The following HS3ST2 variants were observed in gnomAD, a reference collection of about 807,000 sequenced individuals.
HS3ST2 encodes the protein heparan sulfate glucosamine 3-O-sulfotransferase 2.
Under a neutral mutation model 26.3 loss-of-function variants are expected in HS3ST2, and 17 were observed. The ratio of observed to expected loss-of-function variants is 0.65; its 90% confidence interval spans 0.44 to 0.97. The LOEUF (loss-of-function observed/expected upper bound fraction) is 0.97. Ranked by LOEUF, HS3ST2 falls within the 50% of genes least tolerant of loss-of-function variation. The probability of loss-of-function intolerance (pLI) is 0.00; values close to 1 mark genes in which losing one functional copy is unlikely to be tolerated. For synonymous variants in HS3ST2, 237 were observed against 219.2 expected (o/e 1.08, Z -0.72); for missense variants, 402 against 501.2 (o/e 0.80, Z 1.89).
At chr16:22,861,329 T>TG (rs1052351562) in intron 1 of HS3ST2, among the ~76,000 whole-genome samples, 5 of 151,906 alleles carry the variant, frequency 3.3e-5, no homozygotes, top group African/African-American at 1.2e-4. Context: ...GCTTGTGGCC[T>TG]GGGGGCAGCT....
chr16:22,875,401 G>T (rs1901901482), intron 1 of HS3ST2, among the ~76,000 whole-genome samples: 1 of 149,976 alleles, frequency 6.7e-6, no homozygotes, highest in East Asian at 2.0e-4. Flanking sequence ...TTTATTTAGA[G>T]ATAGAGTCTC....
chr16:22,827,510 G>A (rs1223477731), intron 1 of HS3ST2, among the ~76,000 whole-genome samples: 1 of 152,056 alleles, frequency 6.6e-6, no homozygotes, highest in East Asian at 1.9e-4. Context: ...AGAGAGAAAG[G>A]AGAGGGGACA....
intron 1 of HS3ST2, among the ~76,000 whole-genome samples, chr16:22,892,345 G>T (rs1358788133): frequency 6.6e-6 from 1 of 151,316 alleles, no homozygotes; most frequent in African/African-American, 2.4e-5. Context: ...ATATATAGTT[G>T]GGAGAAGTAG....
At chr16:22,836,222 T>C (rs1484715474) in intron 1 of HS3ST2, among the ~76,000 whole-genome samples, 2 of 152,244 alleles carry the variant, frequency 1.3e-5, no homozygotes, top group African/African-American at 4.8e-5. Flanking sequence ...TTTCTTAGCA[T>C]GATTTAAAAA....
chr16:22,835,677 A>G (rs529172830), intron 1 of HS3ST2, among the ~76,000 whole-genome samples: 1 of 152,304 alleles, frequency 6.6e-6, no homozygotes, highest in South Asian at 2.1e-4. Flanking sequence ...CTTACAAATC[A>G]CAAAAAAAGG....
At chr16:22,881,058 C>T (rs999524089) in intron 1 of HS3ST2, among the ~76,000 whole-genome samples, 13 of 152,240 alleles carry the variant, frequency 8.5e-5, no homozygotes, top group African/African-American at 3.1e-4. Context: ...GTTTCCATCA[C>T]TTGCAACCAA....
At chr16:22,845,891 A>G (rs1901424485) in intron 1 of HS3ST2, among the ~76,000 whole-genome samples, 1 of 152,202 alleles carries the variant, frequency 6.6e-6, no homozygotes, top group Non-Finnish European at 1.5e-5. Flanking sequence ...TTATTGTCTG[A>G]TGTCATTACA....
chr16:22,814,618 A>G lies in HS3ST2; in HGVS notation c.8A>G (p.Tyr3Cys). The change falls in exon 1 of 2, where the codon TAT (tyrosine) becomes TGT (cysteine). Residue 3 changes from tyrosine (Y) to cysteine (C), a missense_variant. Physicochemically the swap from Tyr to Cys is radical, Grantham distance 194. Coordinates refer to ENST00000261374, the MANE Select transcript of HS3ST2 (RefSeq NM_006043.2). The stretch of plus-strand genomic sequence containing the variant: ...GCGCGGGCCCATGGAGCCATGGCCT[A>G]TAGGGTCCTGGGCCGCGCGGGGCCA... MA[Y>C]RVLGRAGPPQ... is the part of the protein sequence containing the mutation. The G allele has an allele frequency of 6.5e-7, 1 of 1,544,148 alleles. No individual in the cohort carries two copies. Among genetic ancestry groups the G allele is most frequent in the Non-Finnish European group, 8.7e-7 (1 of 1,146,058 alleles).
intron 1 of HS3ST2, among the ~76,000 whole-genome samples, chr16:22,900,792 T>C (rs1192746739): frequency 6.6e-6 from 1 of 151,966 alleles, no homozygotes; most frequent in Non-Finnish European, 1.5e-5. Flanking sequence ...AGATTCGAGA[T>C]GGAGTTGGCA....
At chr16:22,875,466 C>T (rs749327178) in intron 1 of HS3ST2, among the ~76,000 whole-genome samples, 1 of 152,058 alleles carries the variant, frequency 6.6e-6, no homozygotes, top group Non-Finnish European at 1.5e-5. Flanking sequence ...CTGCAACTTC[C>T]ACCTCCCGGG....
At chr16:22,854,732 G>A (rs1195611914) in intron 1 of HS3ST2, 1 of 150,806 alleles carries the variant, frequency 6.6e-6, no homozygotes, top group Non-Finnish European at 1.5e-5. Flanking sequence ...TCAAACTCCT[G>A]GGCTCAAGCG....
At chr16:22,880,967 G>A (rs539910879) in intron 1 of HS3ST2, among the ~76,000 whole-genome samples, 36 of 152,318 alleles carry the variant, frequency 2.4e-4, no homozygotes, top group Admixed American at 2.1e-3. Context: ...ATCTGGATGG[G>A]CTTGAGACTA....
At chr16:22,837,745 C>A (rs1901288696) in intron 1 of HS3ST2, among the ~76,000 whole-genome samples, 1 of 151,292 alleles carries the variant, frequency 6.6e-6, no homozygotes. Flanking sequence ...AAGAGATTAA[C>A]AACTAATAAA....
At chr16:22,908,743 A>G (rs527432122) in intron 1 of HS3ST2, among the ~76,000 whole-genome samples, 139 of 152,234 alleles carry the variant, frequency 9.1e-4, no homozygotes, top group Non-Finnish European at 1.6e-3. Context: ...GAATCCATTC[A>G]TGAAGGCAGA....
chr16:22,834,524 T>C (rs1443614635), intron 1 of HS3ST2, among the ~76,000 whole-genome samples: 2 of 152,088 alleles, frequency 1.3e-5, no homozygotes, highest in African/African-American at 2.4e-5. Context: ...ATTTATACAA[T>C]CATTAACCAA....
In HS3ST2 at chr16:22,872,906, T is replaced by C. The variant is rs114263882; in HGVS notation, c.486-42038T>C. Among the ~76,000 whole-genome samples, 368 of 152,276 alleles carry C rather than the reference T, an allele frequency of 2.4e-3. 1 individual carries two copies. Among genetic ancestry groups the C allele is most frequent in the African/African-American group, 8.5e-3 (353 of 41,556 alleles). ...AGACTTTCAACCACCAGTACTGAGA[T>C]CTCTGGCTGAAAGTGTAGGCTCTGG... On this transcript the variant is annotated intron_variant, in intron 1 of 1. Transcript: ENST00000261374.
intron 1 of HS3ST2, among the ~76,000 whole-genome samples, chr16:22,829,888 C>T (rs1901143953): frequency 1.3e-5 from 2 of 152,168 alleles, no homozygotes; most frequent in African/African-American, 2.4e-5. Flanking sequence ...AATCGCTAAG[C>T]TGATGGCTGT....
intron 1 of HS3ST2, among the ~76,000 whole-genome samples, chr16:22,841,066 T>G (rs1324217051): frequency 1.3e-5 from 2 of 149,708 alleles, no homozygotes; most frequent in East Asian, 4.0e-4. Flanking sequence ...CAACCGGTGT[T>G]TGGTTTTTTG....
chr16:22,832,738 T>A (rs1901192358), intron 1 of HS3ST2, among the ~76,000 whole-genome samples: 1 of 151,170 alleles, frequency 6.6e-6, no homozygotes, highest in South Asian at 2.1e-4. Context: ...TTGAAGGGGA[T>A]ACGAGATGAG....
Sources: gnomAD v4.1 joint callset for allele counts (sites outside exome capture counted in the v4.1 genomes callset) on GRCh38, gnomAD v4.1.1 for gene constraint, MANE v1.5 for transcripts, NCBI Gene and HGNC (gene_info 2026-07-23, HGNC 2026-07-21) for gene names.